Variants in RYR1 observed in about 807,000 individuals in gnomAD.
The protein encoded by RYR1 is ryanodine receptor 1, also known as central core disease of muscle.
RYR1 carries 342 observed loss-of-function variants against 583.5 expected under a neutral mutation model. The ratio of observed to expected loss-of-function variants is 0.59; its 90% CI spans 0.54 to 0.64. The LOEUF (loss-of-function observed/expected upper bound fraction) is 0.64. Among genes scored for constraint, RYR1 ranks in the 30% least tolerant of loss-of-function variants. The probability of loss-of-function intolerance (pLI) is 0.00; values close to 1 mark genes in which losing one functional copy is unlikely to be tolerated. For missense variants in RYR1, 6,032 were observed against 6,917.2 expected, an observed-to-expected ratio of 0.87 and a Z score of 4.54; for synonymous variants, 2,791 against 2,822.5, an observed-to-expected ratio of 0.99 and a Z score of 0.35.
At chr19:38,529,189 A>G in intron 76 of RYR1, 132 bp downstream of exon 76, 1 of 896,106 alleles carries the variant, frequency 1.1e-6, no homozygotes, top group South Asian at 1.4e-5. Context: ...ATCTTTAAAT[A>G]TCACTTTGCT....
In RYR1 at chr19:38,448,386, C is replaced by A; in HGVS notation, c.832C>A (p.Pro278Thr). 3 of 1,611,364 alleles carry A rather than the reference C, an allele frequency of 1.9e-6. No homozygotes were observed. Among genetic ancestry groups the A allele is most frequent in the Non-Finnish European group, 2.5e-6 (3 of 1,179,998 alleles). ...WSGSHLRWGQPLRVRHVTTGQ... is the reference protein window; with the variant it reads ...WSGSHLRWGQTLRVRHVTTGQ... ...TGGGAGCCACCTGCGCTGGGGCCAG[C>A]CACTCCGAGTCCGGCATGTCACTAC... The change falls in exon 10 of 106, where the codon CCA becomes ACA. Residue 278 changes from proline (P) to threonine (T), a missense_variant. By Grantham distance (38) the Pro-to-Thr change is conservative. Around this residue, in one of 11 missense-constraint regions of RYR1, gnomAD observed 338 missense variants for 441.6 expected, o/e 0.77. Transcript: ENST00000359596.
At position 38,496,563 on chromosome 19, in the gene RYR1, G is replaced by A. The variant is rs1969838510; in HGVS notation, c.6796+22G>A. ...CTGGGTGAGAACCCCCGAGCCCAGG[G>A]GCTGTCCCCCAGAACCCACTCCTGG... is the stretch of plus-strand genomic sequence containing the variant. On this transcript the variant is annotated intron_variant, in intron 41 of 105. Coordinates refer to ENST00000359596, the MANE Select transcript of RYR1 (RefSeq NM_000540.3). This position sits in a 1 kb window ranked among gnomAD's most constrained non-coding sequence, Gnocchi z 4.8. 2 of 1,612,908 alleles carry A rather than the reference G, an allele frequency of 1.2e-6. No individual in the cohort carries two copies. The highest frequency in any genetic ancestry group is 1.7e-6 in the Non-Finnish European group (2 of 1,180,002).
At chr19:38,525,199 G>A (rs1971412097) in intron 70 of RYR1, 133 bp from the exon 71 acceptor site, 10 of 981,698 alleles carry the variant, frequency 1.0e-5, no homozygotes, top group South Asian at 6.6e-5. Context: ...GGTGGAAATT[G>A]AGGTGTCGTC....
At chr19:38,493,022 T>C (rs1428647378) in intron 38 of RYR1, among the ~76,000 whole-genome samples, 3 of 152,000 alleles carry the variant, frequency 2.0e-5, no homozygotes, top group African/African-American at 7.2e-5. Context: ...TGAGCCCAGA[T>C]TGCGCCACTG....
At chr19:38,504,953 G>A (rs764336641) in intron 51 of RYR1, 42 bp downstream of exon 51, 2 of 1,613,958 alleles carry the variant, frequency 1.2e-6, no homozygotes, top group African/African-American at 1.3e-5. Flanking sequence ...AGATTTCAGG[G>A]GTGGAGGGAA....
Position 38,543,287 on chromosome 19 carries a change from C to CA in RYR1, c.11690-59dup. 7.1e-7 allele frequency: 1 copy of CA among 1,403,730 alleles called. No homozygotes were observed. The highest frequency in any genetic ancestry group is 2.3e-5 in the East Asian group (1 of 43,890). The allele number at this position is 1,403,730 out of a possible 1,614,324, so 87.0% of individuals were successfully genotyped here. On this transcript the variant is annotated intron_variant, in intron 84 of 105. Coordinates refer to ENST00000359596, the MANE Select transcript of RYR1 (RefSeq NM_000540.3). The surrounding 1 kb of genome is among the most constrained non-coding windows in gnomAD (Gnocchi z 4.4). ...GTATTGCATAAATGAATAAATGACC[C>CA]ACTGTTCATCTCCCCTAGCACATGG...
At chr19:38,575,325 A>G (rs1274226471) in intron 96 of RYR1, among the ~76,000 whole-genome samples, 6 of 152,086 alleles carry the variant, frequency 3.9e-5, no homozygotes, top group Non-Finnish European at 8.8e-5. Flanking sequence ...GGGTCTAGCA[A>G]AGATGGCAGT....
intron 84 of RYR1, among the ~76,000 whole-genome samples, chr19:38,538,408 A>C (rs531927847): frequency 2.0e-5 from 3 of 152,142 alleles, no homozygotes; most frequent in Non-Finnish European, 2.9e-5. Context: ...TCAAAAAAAA[A>C]CCTCGCTGGA....
intron 23 of RYR1, among the ~76,000 whole-genome samples, chr19:38,465,144 T>C (rs1968026117): frequency 1.3e-5 from 2 of 151,968 alleles, no homozygotes; most frequent in African/African-American, 4.8e-5. Context: ...ACCCAGGAGT[T>C]TGGGGTGGAT....
intron 99 of RYR1, among the ~76,000 whole-genome samples, chr19:38,579,354 G>C (rs983046447): frequency 6.6e-6 from 1 of 151,452 alleles, no homozygotes; most frequent in African/African-American, 2.4e-5. Context: ...GAACCCGGGA[G>C]GCGGAGGTTG....
At chr19:38,460,660 G>A (rs1600692506) in intron 20 of RYR1, 69 bp downstream of exon 20, 2 of 1,422,622 alleles carry the variant, frequency 1.4e-6, no homozygotes, top group South Asian at 1.2e-5. Flanking sequence ...GGGGCAGGGT[G>A]CCATCGTTCA....
At chr19:38,556,884 AG>A in intron 89 of RYR1, among the ~76,000 whole-genome samples, 1 of 152,078 alleles carries the variant, frequency 6.6e-6, no homozygotes, top group South Asian at 2.1e-4. Context: ...AAGTTCGAGC[AG>A]ATTCAGATTT....
chr19:38,464,792 G>T, intron 23 of RYR1, 70 bp downstream of exon 23: 1 of 1,406,038 alleles, frequency 7.1e-7, no homozygotes, highest in South Asian at 1.2e-5. Context: ...AAGGGCTGGG[G>T]AGGTCGAGGG....
chr19:38,467,601 C>A lies in RYR1; in HGVS notation c.3179-9C>A. 8.7e-6 allele frequency: 14 copies of A among 1,614,054 alleles called. No individual in the cohort carries two copies. The highest frequency in any genetic ancestry group is 1.2e-5 in the Non-Finnish European group (14 of 1,179,922). ...TAGCCTCTCTGACTCTGCCTGGCCT[C>A]ATTTATAGGTCAGGTGGAGAACCAG... is the stretch of plus-strand genomic sequence containing the variant. On this transcript the variant is annotated splice_polypyrimidine_tract_variant and intron_variant, in intron 24 of 105. Transcript: ENST00000359596.
Position 38,565,501 on chromosome 19 carries a change from C to T in RYR1, c.13167C>T (p.Asp4389=). 6.6e-7 allele frequency: 1 copy of T among 1,505,112 alleles called. No homozygotes were observed. Among genetic ancestry groups the T allele is most frequent in the Non-Finnish European group, 8.8e-7 (1 of 1,134,476 alleles). The allele number at this position is 1,505,112 out of a possible 1,614,324, so 93.2% of individuals were successfully genotyped here. Residue 4389 remains aspartate, a synonymous_variant, in exon 91 of 106, where the codon GAC becomes GAT. Transcript: ENST00000359596. The surrounding 1 kb of genome is among the most constrained non-coding windows in gnomAD (Gnocchi z 4.7). The part of the protein sequence containing the change: ...LLAGMPDPTS[D]EVHGEQPAGP... ...CAGGCATGCCCGACCCCACCAGCGA[C>T]GAGGTGCACGGCGAGCAGCCGGCCG... is the stretch of plus-strand genomic sequence containing the variant.
chr19:38,463,318 T>TGCTGGAG, intron 20 of RYR1, 105 bp from the exon 21 acceptor site: 1 of 890,850 alleles, frequency 1.1e-6, no homozygotes, highest in Non-Finnish European at 1.8e-6. Flanking sequence ...GGAAAGGGGG[T>TGCTGGAG]GCTGGAGGAG....
intron 89 of RYR1, among the ~76,000 whole-genome samples, chr19:38,551,769 C>T (rs532415452): frequency 2.0e-5 from 3 of 152,254 alleles, no homozygotes; most frequent in Admixed American, 1.3e-4. Flanking sequence ...GAACCTGAGC[C>T]TCACATCCTT....
At chr19:38,562,239 C>G (rs900763059) in intron 90 of RYR1, among the ~76,000 whole-genome samples, 3 of 152,218 alleles carry the variant, frequency 2.0e-5, no homozygotes, top group South Asian at 4.1e-4. Flanking sequence ...CTGACATGCC[C>G]TATCTCAGCT....
At chr19:38,525,747 GA>G (rs1971439811) in intron 71 of RYR1, among the ~76,000 whole-genome samples, 1 of 151,772 alleles carries the variant, frequency 6.6e-6, no homozygotes, top group South Asian at 2.1e-4. Flanking sequence ...CTGAAACCTA[GA>G]AAAGCTCTAG....
Sources: gnomAD v4.1 joint callset for allele counts (sites outside exome capture counted in the v4.1 genomes callset) on GRCh38, gnomAD v4.1.1 for gene constraint, gnomAD v4.1.1 regional missense constraint, Gnocchi (gnomAD v3.1) non-coding constraint, MANE v1.5 for transcripts, NCBI Gene and HGNC (gene_info 2026-07-23, HGNC 2026-07-21) for gene names.